Variants in ABCC1 observed in about 807,000 individuals in gnomAD.
The protein encoded by ABCC1 is multidrug resistance-associated protein 1.
ABCC1 carries 83 observed loss-of-function variants against 172.9 expected under a neutral mutation model. The ratio of observed to expected loss-of-function variants is 0.48; its 90% CI spans 0.40 to 0.58. ABCC1 has a LOEUF of 0.58. Ranked by LOEUF, ABCC1 falls within the 20% of genes least tolerant of loss-of-function variation. The pLI is 0.00. For synonymous variants in ABCC1, 937 were observed against 825.2 expected (o/e 1.14, Z -2.32); for missense variants, 1,817 against 2,002.7 (o/e 0.91, Z 1.77).
intron 12 of ABCC1, among the ~76,000 whole-genome samples, chr16:16,063,511 TGA>T (rs1354963808): frequency 6.6e-6 from 1 of 152,156 alleles, no homozygotes; most frequent in African/African-American, 2.4e-5. Context: ...CATGAATGAA[TGA>T]GAGGTTGAAA....
chr16:16,001,719 C>T (rs545010900), intron 1 of ABCC1, among the ~76,000 whole-genome samples: 209 of 152,270 alleles, frequency 1.4e-3, no homozygotes, highest in Non-Finnish European at 2.6e-3. Context: ...AGATATTTTT[C>T]ACTTCAGATT....
intron 25 of ABCC1, among the ~76,000 whole-genome samples, chr16:16,125,234 T>TAC (rs1213471423): frequency 6.6e-6 from 1 of 152,210 alleles, no homozygotes; most frequent in Non-Finnish European, 1.5e-5. Context: ...CAAATGATGA[T>TAC]ACATTGTGTT....
intron 21 of ABCC1, 31 bp from the exon 22 acceptor site, chr16:16,111,344 G>A (rs561211468): frequency 6.2e-7 from 1 of 1,605,140 alleles, no homozygotes; most frequent in South Asian, 1.1e-5. Flanking sequence ...GCGTGCATGT[G>A]CTAAGCTGCC....
intron 15 of ABCC1, 112 bp from the exon 16 acceptor site, chr16:16,079,240 C>T (rs2050707401): frequency 6.7e-7 from 1 of 1,493,378 alleles, no homozygotes; most frequent in South Asian, 1.2e-5. Context: ...ACAGTCTTGC[C>T]TTCTGTCTTT....
chr16:16,006,921 GTGA>G (rs2047559510), intron 1 of ABCC1, among the ~76,000 whole-genome samples: 1 of 94,050 alleles, frequency 1.1e-5, no homozygotes, highest in Non-Finnish European at 2.3e-5. Context: ...GATGATGGTG[GTGA>G]TGGTGGTGAT....
chr16:16,072,326 A>G (rs2050379676), intron 14 of ABCC1, among the ~76,000 whole-genome samples: 1 of 151,938 alleles, frequency 6.6e-6, no homozygotes, highest in African/African-American at 2.4e-5. Context: ...AACTACAGGC[A>G]CACACAGCAC....
At chr16:16,070,940 C>G (rs543033495) in intron 13 of ABCC1, among the ~76,000 whole-genome samples, 2 of 152,306 alleles carry the variant, frequency 1.3e-5, no homozygotes, top group South Asian at 4.1e-4. Context: ...TACAATAATA[C>G]TCAGCCCATA....
rs568290756 is a variant in ABCC1, at chr16:16,134,235, G to T, written c.3967-115G>T. ...AGCGCGCAAGGGAGAGGGCTGTCGA[G>T]TTGGGTTGACCAGATGACTGATGCC... On this transcript the variant is annotated intron_variant, in intron 27 of 30. Transcript: ENST00000399410. 6 of 1,350,284 alleles carry T rather than the reference G, an allele frequency of 4.4e-6. No homozygotes were observed. In the African/African-American group the frequency reaches 8.6e-5, roughly 19 times the overall value. The allele number at this position is 1,350,284 out of a possible 1,614,324, so 83.6% of individuals were successfully genotyped here. A position where few individuals can be genotyped will look rare whatever the true frequency, so the allele number is the denominator to read the frequency against.
At chr16:16,026,465 CTTTTTTTTTT>C (rs1157942197) in intron 5 of ABCC1, among the ~76,000 whole-genome samples, 8 of 95,498 alleles carry the variant, frequency 8.4e-5, no homozygotes, top group African/African-American at 3.3e-4. Context: ...AGGCTATTTC[CTTTTTTTTTT>C]TTTTTTTTTT....
chr16:16,056,568 C>A, intron 12 of ABCC1: 1 of 473,188 alleles, frequency 2.1e-6, no homozygotes, highest in Non-Finnish European at 3.8e-6. Context: ...ACTAGGGAGG[C>A]TGAGGCAAGA....
chr16:15,960,132 C>T (rs556951040), intron 1 of ABCC1, among the ~76,000 whole-genome samples: 6 of 152,266 alleles, frequency 3.9e-5, no homozygotes, highest in South Asian at 2.1e-4. Flanking sequence ...CTTGTTCTGT[C>T]GCCCTAGCTG....
intron 12 of ABCC1, among the ~76,000 whole-genome samples, chr16:16,056,953 C>A (rs1174909701): frequency 6.6e-6 from 1 of 152,106 alleles, no homozygotes; most frequent in African/African-American, 2.4e-5. Flanking sequence ...TGTGGTGCTG[C>A]GTCCTTATTT....
chr16:16,076,269 TG>T (rs2050562319), intron 14 of ABCC1, 56 bp from the exon 15 acceptor site: 1 of 1,532,622 alleles, frequency 6.5e-7, no homozygotes, highest in Non-Finnish European at 9.0e-7. Context: ...GAGAGTGTTC[TG>T]TGCATGTGGA....
At chr16:16,009,138 T>C (rs900391914) in intron 2 of ABCC1, among the ~76,000 whole-genome samples, 4 of 152,014 alleles carry the variant, frequency 2.6e-5, no homozygotes, top group Non-Finnish European at 4.4e-5. Context: ...AAACAATTTT[T>C]TGTAGAGACA....
chr16:16,108,254 G>A (rs569858742), intron 21 of ABCC1, among the ~76,000 whole-genome samples: 5 of 148,046 alleles, frequency 3.4e-5, no homozygotes, highest in Admixed American at 2.7e-4. Context: ...GGCACAACAC[G>A]CTTATCGTTT....
At chr16:16,120,841 A>G (rs578116762) in intron 23 of ABCC1, among the ~76,000 whole-genome samples, 4 of 152,234 alleles carry the variant, frequency 2.6e-5, no homozygotes, top group Middle Eastern at 3.4e-3. Flanking sequence ...CCTCATGGGC[A>G]TCTCAGCTGG....
intron 20 of ABCC1, among the ~76,000 whole-genome samples, chr16:16,103,823 C>A (rs186572169): frequency 2.0e-5 from 3 of 152,070 alleles, no homozygotes; most frequent in Non-Finnish European, 4.4e-5. Context: ...GGTTATGGTC[C>A]GGAATTGGTG....
chr16:16,002,617 A>G (rs1341371509), intron 1 of ABCC1, among the ~76,000 whole-genome samples: 1 of 152,116 alleles, frequency 6.6e-6, no homozygotes, highest in East Asian at 1.9e-4. Flanking sequence ...TACTAAAAAT[A>G]CAAAATTAGC....
rs1306202074 is a variant in ABCC1 at position 16,045,920 on chromosome 16, C to T, written c.1125C>T (p.Cys375=). 6.2e-7 allele frequency: 1 copy of T among 1,614,162 alleles called. No homozygotes were observed. The highest frequency in any genetic ancestry group is 2.2e-5 in the East Asian group (1 of 44,876). The change falls in exon 9 of 31, where the codon TGC becomes TGT. Residue 375 remains cysteine (C), a synonymous_variant. Transcript: ENST00000399410. ...FYTVLLFVTA[C]LQTLVLHQYF... is the part of the protein sequence containing the mutation. ...CCGTGCTGCTGTTTGTCACTGCCTG[C>T]CTGCAGACCCTCGTGCTGCACCAGT...
Sources: allele counts gnomAD v4.1 joint callset (sites outside exome capture counted in the v4.1 genomes callset), GRCh38; gene constraint gnomAD v4.1.1; transcripts MANE v1.5; gene names NCBI Gene and HGNC (gene_info 2026-07-23, HGNC 2026-07-21).